The following TAFA2 variants were observed in gnomAD, a reference collection of about 807,000 sequenced individuals.
TAFA2 encodes the protein TAFA chemokine like family member 2, also known as chemokine-like protein TAFA-2.
A neutral mutation model predicts 18.8 loss-of-function variants in TAFA2; 7 were observed. That is an observed-to-expected ratio of 0.37 (90% confidence interval 0.21 to 0.70). The LOEUF (loss-of-function observed/expected upper bound fraction) is 0.70. Among genes scored for constraint, TAFA2 ranks in the 30% least tolerant of loss-of-function variants. The pLI, the probability that TAFA2 is intolerant of heterozygous loss-of-function variation, is 0.53. For missense variants in TAFA2, 122 were observed against 158.1 expected, an observed-to-expected ratio of 0.77 and a Z score of 1.23; for synonymous variants, 60 against 54.2, an observed-to-expected ratio of 1.11 and a Z score of -0.47.
chr12:62,124,033 G>T (rs1005935426), intron 1 of TAFA2, among the ~76,000 whole-genome samples: 2 of 152,176 alleles, frequency 1.3e-5, no homozygotes, highest in Non-Finnish European at 2.9e-5. Context: ...AGATTTAGAA[G>T]TTGGATAAAT....
chr12:61,983,754 C>T (rs1879722841), intron 1 of TAFA2, among the ~76,000 whole-genome samples: 1 of 152,182 alleles, frequency 6.6e-6, no homozygotes, highest in African/African-American at 2.4e-5. Flanking sequence ...CAATTTCCTT[C>T]TCAGAGCTGA....
chr12:62,217,939 T>C (rs1259362673), intron 1 of TAFA2, among the ~76,000 whole-genome samples: 13 of 151,850 alleles, frequency 8.6e-5, no homozygotes, highest in Non-Finnish European at 1.6e-4. Flanking sequence ...AAACTAATGC[T>C]GATTGAATTT....
chr12:61,915,037 T>G (rs1280134862), intron 1 of TAFA2, among the ~76,000 whole-genome samples: 1 of 152,130 alleles, frequency 6.6e-6, no homozygotes, highest in East Asian at 1.9e-4. Context: ...GGTGGACACC[T>G]GTAATCCTAG....
Position 61,863,216 on chromosome 12 carries a change from G to C in TAFA2, c.106+4104C>G, listed in dbSNP as rs546489430. On this transcript the variant is annotated intron_variant, in intron 2 of 4. Transcript: ENST00000416284. The stretch of plus-strand genomic sequence containing the variant: ...CTGTGCTCCTTACACTGATAGACCA[G>C]AGAGAGAGAGAAAAGGAGTTCAATG... Among the ~76,000 whole-genome samples, 72 of 152,006 alleles carry C rather than the reference G, an allele frequency of 4.7e-4. No homozygotes were observed. In the South Asian group the frequency reaches 0.014, roughly 29 times the overall value.
At chr12:62,161,624 C>T (rs2062407535) in intron 1 of TAFA2, among the ~76,000 whole-genome samples, 1 of 151,856 alleles carries the variant, frequency 6.6e-6, no homozygotes, top group Admixed American at 6.6e-5. Context: ...TGATGGATGC[C>T]CTGAAAGCCC....
intron 1 of TAFA2, among the ~76,000 whole-genome samples, chr12:61,992,337 C>T (rs192373573): frequency 1.1e-4 from 16 of 152,192 alleles, no homozygotes; most frequent in Admixed American, 1.0e-3. Context: ...TTACTGATTC[C>T]CCTCTTTCTC....
chr12:61,936,958 T>C (rs1297023983), intron 1 of TAFA2, among the ~76,000 whole-genome samples: 2 of 152,056 alleles, frequency 1.3e-5, no homozygotes, highest in African/African-American at 2.4e-5. Context: ...TAATAAACAA[T>C]GTCTCAGGTT....
intron 1 of TAFA2, among the ~76,000 whole-genome samples, chr12:62,178,133 C>T (rs1459316067): frequency 2.0e-5 from 3 of 152,056 alleles, no homozygotes; most frequent in Non-Finnish European, 4.4e-5. Flanking sequence ...GACCCCATCT[C>T]TATAAAAAAT....
At chr12:62,215,728 G>A (rs1281196494) in intron 1 of TAFA2, among the ~76,000 whole-genome samples, 1 of 135,886 alleles carries the variant, frequency 7.4e-6, no homozygotes, top group African/African-American at 2.8e-5. Context: ...TCTTGCTTAA[G>A]AGAAACAACT....
At chr12:61,970,770 C>A (rs1335388342) in intron 1 of TAFA2, among the ~76,000 whole-genome samples, 1 of 147,670 alleles carries the variant, frequency 6.8e-6, no homozygotes, top group Non-Finnish European at 1.5e-5. Context: ...GTGCAAGAAT[C>A]ATCAATGGAC....
At chr12:61,715,737 T>G (rs902440138) in intron 4 of TAFA2, among the ~76,000 whole-genome samples, 5 of 121,736 alleles carry the variant, frequency 4.1e-5, no homozygotes, top group African/African-American at 9.7e-5. Flanking sequence ...GCAAGACCCC[T>G]CAAGACTCTA....
At chr12:62,246,024 T>C (rs2062884199) in intron 1 of TAFA2, among the ~76,000 whole-genome samples, 1 of 151,098 alleles carries the variant, frequency 6.6e-6, no homozygotes, top group Non-Finnish European at 1.5e-5. Context: ...TCTCACTCTG[T>C]CGCCCAGGCT....
At chr12:62,019,636 C>T (rs1881057092) in intron 1 of TAFA2, among the ~76,000 whole-genome samples, 1 of 137,704 alleles carries the variant, frequency 7.3e-6, no homozygotes, top group African/African-American at 2.8e-5. Context: ...CACATGGACA[C>T]AGGAAGGGGA....
rs186120947 is a variant in TAFA2 at position 62,062,169 on chromosome 12, C to G, written c.-2+129090G>C. ...AGCCTGGATGACAGAGCAAGACTCT[C>G]TCAACAAAAAAAAAGAGATGCAAAA... is the stretch of plus-strand genomic sequence containing the variant. On this transcript the variant is annotated intron_variant, in intron 1 of 4. Transcript: ENST00000416284. Among the ~76,000 whole-genome samples, 74 of 152,020 alleles carry G rather than the reference C, an allele frequency of 4.9e-4. No homozygotes were observed. The East Asian group carries it at 0.01, about 21-fold the overall frequency.
At chr12:62,170,169 C>T (rs1175636481) in intron 1 of TAFA2, among the ~76,000 whole-genome samples, 1 of 151,940 alleles carries the variant, frequency 6.6e-6, no homozygotes, top group Non-Finnish European at 1.5e-5. Flanking sequence ...TTAATAGTAC[C>T]CTTGATGACT....
intron 1 of TAFA2, among the ~76,000 whole-genome samples, chr12:61,951,913 C>A (rs1376193273): frequency 1.3e-5 from 2 of 151,578 alleles, no homozygotes; most frequent in Non-Finnish European, 2.9e-5. Flanking sequence ...CTAAATAAAT[C>A]TTAACTAATA....
chr12:61,976,967 A>T (rs1879459363), intron 1 of TAFA2, among the ~76,000 whole-genome samples: 1 of 152,124 alleles, frequency 6.6e-6, no homozygotes. Context: ...TATTGTGAAT[A>T]GTGCCGTAAT....
chr12:62,259,257 A>C (rs998988667), upstream of TAFA2, among the ~76,000 whole-genome samples: 1 of 152,208 alleles, frequency 6.6e-6, no homozygotes, highest in South Asian at 2.1e-4. Flanking sequence ...GGGAATACTT[A>C]AGTAATTTTG....
At chr12:62,017,701 A>G (rs775260273) in intron 1 of TAFA2, among the ~76,000 whole-genome samples, 9 of 152,166 alleles carry the variant, frequency 5.9e-5, no homozygotes, top group Non-Finnish European at 8.8e-5. Flanking sequence ...TTATCTCACT[A>G]AAGTATGGTT....
Sources: allele counts gnomAD v4.1 joint callset (sites outside exome capture counted in the v4.1 genomes callset), GRCh38; gene constraint gnomAD v4.1.1; transcripts MANE v1.5; gene names NCBI Gene and HGNC (gene_info 2026-07-23, HGNC 2026-07-21).